Variants in HPS5 observed in about 807,000 individuals in gnomAD.
The protein encoded by HPS5 is HPS5 biogenesis of lysosomal organelles complex 2 subunit 2, also known as BLOC-2 complex member HPS5.
In HPS5, 83 loss-of-function variants were observed where a neutral mutation model predicts 128.0. The observed-to-expected ratio is 0.65, with a 90% CI of 0.54 to 0.78. The LOEUF (loss-of-function observed/expected upper bound fraction) is 0.78. Among genes scored for constraint, HPS5 ranks in the 30% least tolerant of loss-of-function variants. The probability of loss-of-function intolerance (pLI) is 0.00; values close to 1 mark genes in which losing one functional copy is unlikely to be tolerated. For synonymous variants in HPS5, 475 were observed against 470.2 expected (o/e 1.01, Z -0.13); for missense variants, 1,281 against 1,326.2 (o/e 0.97, Z 0.53).
chr11:18,310,569 C>T (rs1862856581), intron 5 of HPS5, among the ~76,000 whole-genome samples, 172 bp downstream of exon 5: 1 of 152,220 alleles, frequency 6.6e-6, no homozygotes, highest in Non-Finnish European at 1.5e-5. Context: ...ATTGAGCTAA[C>T]AGGCCACCGT....
chr11:18,306,460 A>C (rs1281185310), intron 6 of HPS5, 113 bp from the exon 7 acceptor site: 1 of 696,270 alleles, frequency 1.4e-6, no homozygotes, highest in East Asian at 2.7e-5. Context: ...CTTCTCCTTC[A>C]TTCATATTAG....
chr11:18,309,170 T>G, intron 5 of HPS5, 91 bp from the exon 6 acceptor site: 1 of 1,278,640 alleles, frequency 7.8e-7, no homozygotes, highest in Non-Finnish European at 1.1e-6. Flanking sequence ...GAAAATAACT[T>G]GAATAGCAAA....
intron 22 of HPS5, 109 bp from the exon 23 acceptor site, chr11:18,280,051 T>C: frequency 8.8e-7 from 1 of 1,140,712 alleles, no homozygotes. Flanking sequence ...TGACTGATTC[T>C]GTGCATTAAA....
intron 3 of HPS5, chr11:18,311,667 C>G: frequency 3.6e-6 from 2 of 556,292 alleles, no homozygotes; most frequent in African/African-American, 1.9e-5. Context: ...CTCACCACCA[C>G]GCCCAGCTAA....
At chr11:18,300,495 G>A (rs956725219) in intron 9 of HPS5, among the ~76,000 whole-genome samples, 2 of 151,916 alleles carry the variant, frequency 1.3e-5, no homozygotes, top group South Asian at 2.1e-4. Context: ...TCAGGAATTC[G>A]AGACCAGCCT....
Position 18,305,437 on chromosome 11 carries a change from T to C in HPS5, c.881A>G (p.Lys294Arg). The C allele has an allele frequency of 1.2e-6, 2 of 1,607,414 alleles. No homozygotes were observed. Residue 294 changes from lysine to arginine, a missense_variant, in exon 8 of 23, where the codon AAA (lysine) becomes AGA (arginine). By Grantham distance (26) the Lys-to-Arg change is conservative. Coordinates refer to ENST00000349215, the MANE Select transcript of HPS5 (RefSeq NM_181507.2). Reference sequence around the variant, plus strand: ...AGAAACTTACCTAAGATGTAAGAGTTTGGGGAAAGACAAAGACTGGGAGGA... The same window carrying C: ...AGAAACTTACCTAAGATGTAAGAGTCTGGGGAAAGACAAAGACTGGGAGGA... The part of the protein sequence containing the change: ...AGSSQSLSFP[K>R]LLHLSEHCVL...
In HPS5 at chr11:18,287,908, A is replaced by G. The variant is rs562133578; in HGVS notation, c.2546T>C (p.Val849Ala). 1.5e-5 allele frequency: 25 copies of G among 1,614,114 alleles called. No homozygotes were observed. In the South Asian group the frequency reaches 2.6e-4, roughly 17 times the overall value. ...GACAACTTACCGGGTAGCATAAACA[A>G]CCAACAACGGACTATCAAAAGGAAC... is the stretch of plus-strand genomic sequence containing the variant. The part of the protein sequence containing the change: ...DEVPFDSPLL[V>A]VYATRLYEKF... The change falls in exon 17 of 23, where the codon GTT becomes GCT. Residue 849 changes from valine (V) to alanine (A), a missense_variant. Val to Ala is a moderately conservative substitution (Grantham distance 64). Transcript: ENST00000349215.
chr11:18,283,956 G>T, intron 20 of HPS5, 55 bp from the exon 21 acceptor site: 1 of 1,211,068 alleles, frequency 8.3e-7, no homozygotes, highest in Non-Finnish European at 1.2e-6. Flanking sequence ...TTTATCTGGA[G>T]CTGTGCTGCC....
At chr11:18,318,731 G>A (rs76302117) in intron 1 of HPS5, among the ~76,000 whole-genome samples, 5,386 of 152,300 alleles carry the variant, frequency 0.035, 157 homozygotes, top group Non-Finnish European at 0.049. Flanking sequence ...GAAAGCCAAT[G>A]AATACAACAG....
intron 5 of HPS5, among the ~76,000 whole-genome samples, chr11:18,310,094 C>T (rs1264526489): frequency 2.0e-5 from 3 of 152,176 alleles, no homozygotes; most frequent in African/African-American, 4.8e-5. Context: ...CAAGACAAAT[C>T]CCTCTACTTC....
chr11:18,302,949 G>C (rs1323103220), intron 8 of HPS5, among the ~76,000 whole-genome samples: 2 of 151,748 alleles, frequency 1.3e-5, no homozygotes, highest in African/African-American at 2.4e-5. Flanking sequence ...GGGGGCTGAG[G>C]ACGGGAACTT....
chr11:18,320,401 T>G (rs559428284), intron 1 of HPS5, among the ~76,000 whole-genome samples: 1 of 152,262 alleles, frequency 6.6e-6, no homozygotes, highest in South Asian at 2.1e-4. Context: ...CCCTGAACAT[T>G]TTCAGCCATG....
intron 8 of HPS5, among the ~76,000 whole-genome samples, chr11:18,301,181 T>TGCAGTGGCTCAC (rs1397260216): frequency 6.6e-6 from 1 of 151,646 alleles, no homozygotes; most frequent in African/African-American, 2.4e-5. Flanking sequence ...GTCAGCTGGG[T>TGCAGTGGCTCAC]GCAGTGGCTC....
chr11:18,302,820 A>AGTGGG, intron 8 of HPS5, among the ~76,000 whole-genome samples: 1 of 880 alleles, frequency 1.1e-3, no homozygotes, highest in Middle Eastern at 0.25. Context: ...GGAGAAAAAA[A>AGTGGG]GCGGGGGGGG....
chr11:18,288,795 G>A (rs1462533208), intron 16 of HPS5, among the ~76,000 whole-genome samples: 1 of 151,272 alleles, frequency 6.6e-6, no homozygotes, highest in African/African-American at 2.4e-5. Flanking sequence ...TAGCTGCAGT[G>A]CCTGTGTGCA....
In HPS5 at chr11:18,291,923, C is replaced by A; in HGVS notation, c.1959G>T (p.Met653Ile). The change falls in exon 16 of 23, where the codon ATG (methionine) becomes ATT (isoleucine). Residue 653 changes from methionine to isoleucine, a missense_variant. Coordinates refer to ENST00000349215, the MANE Select transcript of HPS5 (RefSeq NM_181507.2). ...WLSHLEKTFAMKDFSGVSDTD... is the reference protein window; with the variant it reads ...WLSHLEKTFAIKDFSGVSDTD... ...TATCTGAAACACCTGAAAAGTCCTT[C>A]ATGGCAAATGTTTTTTCTAAATGTG... 6.2e-7 allele frequency: 1 copy of A among 1,609,204 alleles called. No homozygotes were observed. The highest frequency in any genetic ancestry group is 1.3e-5 in the African/African-American group (1 of 74,558).
intron 21 of HPS5, 43 bp downstream of exon 21, chr11:18,283,752 C>T (rs1859332165): frequency 6.9e-7 from 1 of 1,446,966 alleles, no homozygotes; most frequent in Admixed American, 1.7e-5. Context: ...GGAGTAACTT[C>T]TAAAAATTGA....
chr11:18,282,069 A>C lies in HPS5; in HGVS notation c.3210T>G (p.Ala1070=). The change falls in exon 22 of 23, where the codon GCT becomes GCG. Residue 1070 remains alanine (A), a synonymous_variant. Transcript: ENST00000349215. ...INVENVALLL[A]KAMGPDRAWS... Reference sequence around the variant, plus strand: ...AAGCCCGATCTGGGCCCATGGCCTTAGCTAACAGAAGTGCCACATTCTCCA... The same window carrying C: ...AAGCCCGATCTGGGCCCATGGCCTTCGCTAACAGAAGTGCCACATTCTCCA... The C allele has an allele frequency of 6.2e-7, 1 of 1,614,230 alleles. No individual in the cohort carries two copies. The highest frequency in any genetic ancestry group is 2.2e-5 in the East Asian group (1 of 44,882).
At position 18,316,300 on chromosome 11, in the gene HPS5, GA is replaced by G. The variant is rs960995593; in HGVS notation, c.108+1450del. On this transcript the variant is annotated intron_variant, in intron 2 of 22. Coordinates refer to ENST00000349215, the MANE Select transcript of HPS5 (RefSeq NM_181507.2). Reference sequence around the variant, plus strand: ...ACAGAGACAACCTGTTTCAAAAGAAGAAAAAAAAAAGAAAGAAAAGAAAATA... The same window carrying G: ...ACAGAGACAACCTGTTTCAAAAGAAGAAAAAAAAAGAAAGAAAAGAAAATA... 2.0e-3 allele frequency among the ~76,000 whole-genome samples: 282 copies of G among 144,266 alleles called. 2 individuals are homozygous for G. Among genetic ancestry groups the G allele is most frequent in the African/African-American group, 6.4e-3 (250 of 39,226 alleles). The allele number at this position is 144,266 out of a possible 152,430, so 94.6% of individuals were successfully genotyped here. A position where few individuals can be genotyped will look rare whatever the true frequency, so the allele number is the denominator to read the frequency against.
Sources: allele counts gnomAD v4.1 joint callset (sites outside exome capture counted in the v4.1 genomes callset), GRCh38; gene constraint gnomAD v4.1.1; transcripts MANE v1.5; gene names NCBI Gene and HGNC (gene_info 2026-07-23, HGNC 2026-07-21).